The following MECOM variants were observed in gnomAD, a reference collection of about 807,000 sequenced individuals.
MECOM encodes histone-lysine N-methyltransferase MECOM.
MECOM carries 13 observed loss-of-function variants against 116.3 expected under a neutral mutation model. The observed-to-expected ratio is 0.11, with a 90% CI of 0.07 to 0.18. The LOEUF (loss-of-function observed/expected upper bound fraction) is 0.18. Ranked by LOEUF, MECOM falls within the 10% of genes least tolerant of loss-of-function variation. The pLI is 1.00. For missense variants in MECOM, 1,299 were observed against 1,509.0 expected (o/e 0.86, Z 2.31); for synonymous variants, 528 against 535.2 (o/e 0.99, Z 0.19).
intron 1 of MECOM, among the ~76,000 whole-genome samples, chr3:169,651,626 A>G (rs1405257473): frequency 6.6e-6 from 1 of 152,052 alleles, no homozygotes; most frequent in Admixed American, 6.6e-5. Context: ...GATACAATGG[A>G]CTTGGGGGGA....
intron 2 of MECOM, among the ~76,000 whole-genome samples, chr3:169,289,667 T>C (rs987862198): frequency 2.0e-5 from 3 of 152,192 alleles, no homozygotes; most frequent in Non-Finnish European, 4.4e-5. Context: ...AGAGTTTGAC[T>C]AAAATCAAAT....
At chr3:169,509,637 C>T (rs1222137976) in intron 1 of MECOM, among the ~76,000 whole-genome samples, 2 of 152,188 alleles carry the variant, frequency 1.3e-5, no homozygotes, top group Admixed American at 6.5e-5. Context: ...TGGCTTATAT[C>T]CCTTAGCATA....
intron 2 of MECOM, among the ~76,000 whole-genome samples, chr3:169,308,207 C>T (rs1718063820): frequency 1.3e-5 from 2 of 152,114 alleles, no homozygotes; most frequent in African/African-American, 2.4e-5. Flanking sequence ...AAGTGCTGGG[C>T]CTATGTATTT....
chr3:169,295,579 T>C (rs1715429277), intron 2 of MECOM, among the ~76,000 whole-genome samples: 1 of 152,246 alleles, frequency 6.6e-6, no homozygotes, highest in South Asian at 2.1e-4. Flanking sequence ...ATTATGCCTT[T>C]AAAACAACAT....
intron 1 of MECOM, among the ~76,000 whole-genome samples, chr3:169,597,223 T>A (rs533875381): frequency 1.3e-5 from 2 of 152,296 alleles, no homozygotes; most frequent in East Asian, 3.9e-4. Context: ...ATAAACTGAA[T>A]AAGGAGCCGG....
intron 1 of MECOM, among the ~76,000 whole-genome samples, chr3:169,445,534 C>T (rs557941212): frequency 6.6e-6 from 1 of 152,346 alleles, no homozygotes; most frequent in South Asian, 2.1e-4. Flanking sequence ...CAAAAGTTTG[C>T]TGCAGGGACG....
At chr3:169,248,601 C>G (rs1450154117) in intron 2 of MECOM, among the ~76,000 whole-genome samples, 3 of 152,098 alleles carry the variant, frequency 2.0e-5, no homozygotes, top group African/African-American at 7.2e-5. Context: ...ATTATGTCCT[C>G]ATATATTAAA....
intron 2 of MECOM, among the ~76,000 whole-genome samples, chr3:169,220,992 A>G (rs1752067848): frequency 6.6e-6 from 1 of 152,228 alleles, no homozygotes; most frequent in Non-Finnish European, 1.5e-5. Context: ...AAGATTAGGG[A>G]AAGGCACTCT....
chr3:169,232,793 T>C (rs957009884), intron 2 of MECOM, among the ~76,000 whole-genome samples: 9 of 152,118 alleles, frequency 5.9e-5, no homozygotes, highest in African/African-American at 2.2e-4. Flanking sequence ...AGTGAATATT[T>C]GATTCAGGCC....
At chr3:169,203,860 A>G (rs762387400) in intron 2 of MECOM, among the ~76,000 whole-genome samples, 33 of 152,184 alleles carry the variant, frequency 2.2e-4, no homozygotes, top group Non-Finnish European at 1.5e-5. Flanking sequence ...TGCTTAGCAG[A>G]TATGTTTCCC....
chr3:169,595,275 G>A (rs1338257300), intron 1 of MECOM, among the ~76,000 whole-genome samples: 4 of 152,068 alleles, frequency 2.6e-5, no homozygotes, highest in Non-Finnish European at 5.9e-5. Flanking sequence ...TGAAGTATAC[G>A]TAGAAAATTC....
At chr3:169,448,376 AT>A (rs1233981398) in intron 1 of MECOM, among the ~76,000 whole-genome samples, 1 of 152,142 alleles carries the variant, frequency 6.6e-6, no homozygotes, top group Non-Finnish European at 1.5e-5. Flanking sequence ...ACATTATCTC[AT>A]TTGTGCCACA....
At chr3:169,334,422 GC>G (rs1190677601) in intron 2 of MECOM, among the ~76,000 whole-genome samples, 2 of 152,242 alleles carry the variant, frequency 1.3e-5, no homozygotes, top group Non-Finnish European at 2.9e-5. Context: ...CACCAGGAAA[GC>G]TTTATAAAGT....
At chr3:169,379,794 G>A (rs1032456928) in intron 2 of MECOM, among the ~76,000 whole-genome samples, 2 of 152,084 alleles carry the variant, frequency 1.3e-5, no homozygotes, top group African/African-American at 4.8e-5. Flanking sequence ...AATGTTTATA[G>A]CCATTATTTT....
chr3:169,479,863 C>A (rs942129255), intron 1 of MECOM, among the ~76,000 whole-genome samples: 2 of 152,148 alleles, frequency 1.3e-5, no homozygotes, highest in Non-Finnish European at 2.9e-5. Context: ...CTGTGCCAGG[C>A]ACCTTTAAAA....
intron 2 of MECOM, among the ~76,000 whole-genome samples, chr3:169,244,081 CT>C (rs1755244217): frequency 1.3e-5 from 2 of 152,194 alleles, no homozygotes; most frequent in African/African-American, 4.8e-5. Context: ...ATATGTAATA[CT>C]TTTTCATATA....
At chr3:169,285,525 C>T (rs1032839709) in intron 2 of MECOM, among the ~76,000 whole-genome samples, 10 of 152,132 alleles carry the variant, frequency 6.6e-5, no homozygotes, top group African/African-American at 1.7e-4. Flanking sequence ...GTTGAATCTC[C>T]GAACTTCCTT....
rs371304909 is a variant in MECOM at position 169,149,523 on chromosome 3, G to C, written c.376-5691C>G. The C allele has an allele frequency of 9.9e-4, 252 of 253,848 alleles. 1 individual carries two copies. Among genetic ancestry groups the C allele is most frequent in the African/African-American group, 5.2e-3 (228 of 43,536 alleles). The allele number at this position is 253,848 out of a possible 1,614,324, so 15.7% of individuals were successfully genotyped here. On this transcript the variant is annotated intron_variant, in intron 2 of 16. Coordinates refer to ENST00000651503, the MANE Select transcript of MECOM (RefSeq NM_004991.4). ...GCGCTCCGAAATAAAGCGCAGCGCCGGCGGCTCCAGCCACCCAGGTGAACC... is the reference window on the plus strand; with the variant it reads ...GCGCTCCGAAATAAAGCGCAGCGCCCGCGGCTCCAGCCACCCAGGTGAACC...
At chr3:169,097,817 T>TAAAAAAAAAACAAA (rs1722148758) in intron 12 of MECOM, among the ~76,000 whole-genome samples, 2 of 87,194 alleles carry the variant, frequency 2.3e-5, no homozygotes, top group Non-Finnish European at 4.5e-5. Flanking sequence ...ACTGTCTATA[T>TAAAAAAAAAACAAA]AAAAAAAAAA....
Sources: allele counts gnomAD v4.1 joint callset (sites outside exome capture counted in the v4.1 genomes callset), GRCh38; gene constraint gnomAD v4.1.1; transcripts MANE v1.5; gene names NCBI Gene and HGNC (gene_info 2026-07-23, HGNC 2026-07-21).